The following ZNF251 variants were observed in gnomAD, a reference collection of about 807,000 sequenced individuals.
ZNF251 encodes the protein zinc finger protein 251.
ZNF251 carries 14 observed loss-of-function variants against 13.5 expected under a neutral mutation model. The ratio of observed to expected loss-of-function variants is 1.04; its 90% CI spans 0.69 to 1.63. ZNF251 has a LOEUF of 1.63. Among genes scored for constraint, ZNF251 ranks in the 40% most tolerant of loss-of-function variants. The probability of loss-of-function intolerance (pLI) is 0.00; values close to 1 mark genes in which losing one functional copy is unlikely to be tolerated. For missense variants in ZNF251, 764 were observed against 834.9 expected (o/e 0.92, Z 1.05); for synonymous variants, 287 against 295.2 (o/e 0.97, Z 0.28).
In ZNF251 at chr8:144,754,843, G is replaced by C. The variant is rs1824882826; in HGVS notation, c.-75-40C>G. 6 of 1,503,694 alleles carry C rather than the reference G, an allele frequency of 4.0e-6. No individual in the cohort carries two copies. In the South Asian group the frequency reaches 6.6e-5, roughly 17 times the overall value. 93.1% of individuals were successfully genotyped at this position (1,503,694 alleles called of 1,614,324 possible). Reference sequence around the variant, plus strand: ...ACTCAGGCTCAGCCCCATTCAACCAGGGGTGTGGAAGGATGGCCAGGAGGC... The same window carrying C: ...ACTCAGGCTCAGCCCCATTCAACCACGGGTGTGGAAGGATGGCCAGGAGGC... On this transcript the variant is annotated intron_variant, in intron 1 of 4. Coordinates refer to ENST00000292562, the MANE Select transcript of ZNF251 (RefSeq NM_138367.2).
chr8:144,735,082 A>T (rs983180110), intron 4 of ZNF251, among the ~76,000 whole-genome samples: 7 of 149,408 alleles, frequency 4.7e-5, no homozygotes, highest in South Asian at 4.3e-4. Context: ...CAAAAAAATA[A>T]AAAAAAAAGA....
chr8:144,737,555 G>A (rs1427293498), intron 4 of ZNF251, among the ~76,000 whole-genome samples: 8 of 151,554 alleles, frequency 5.3e-5, no homozygotes, highest in South Asian at 2.1e-4. Context: ...GAGGCTGGGC[G>A]CAGTGGCTCA....
At position 144,722,518 on chromosome 8, in the gene ZNF251, T is replaced by C. The variant is rs996070040; in HGVS notation, c.1142A>G (p.Gln381Arg). 6.2e-7 allele frequency: 1 copy of C among 1,614,074 alleles called. No individual in the cohort carries two copies. Among genetic ancestry groups the C allele is most frequent in the Non-Finnish European group, 8.5e-7 (1 of 1,179,946 alleles). The change falls in exon 5 of 5, where the codon CAG (glutamine) becomes CGG (arginine). Residue 381 changes from glutamine to arginine, a missense_variant. Gln to Arg is a conservative substitution (Grantham distance 43). Transcript: ENST00000292562. The surrounding 1 kb of genome is among the most constrained non-coding windows in gnomAD (Gnocchi z 4.8). ...HTGEKPHKCN[Q>R]CGKAFSQSSS... ...GCTCTGACTGAAGGCCTTCCCACAC[T>C]GATTGCATTTATGGGGCTTCTCTCC...
intron 4 of ZNF251, among the ~76,000 whole-genome samples, chr8:144,727,136 A>C (rs184474348): frequency 6.6e-6 from 1 of 152,346 alleles, no homozygotes; most frequent in Admixed American, 6.5e-5. Flanking sequence ...TTCAAAACCA[A>C]GCAAAACTCA....
chr8:144,722,128 T>G lies in ZNF251; in HGVS notation c.1532A>C (p.His511Pro). ...TCTGCACTTACGAGTCTCTCCGCTG[T>G]GAACTTTCTGATGCTGAATGAGGGT... ...RSTLIQHQKV[H>P]SGETRKCRKH... The change falls in exon 5 of 5, where the codon CAC becomes CCC. Residue 511 changes from histidine to proline, a missense_variant. By Grantham distance (77) the His-to-Pro change is moderately conservative. Coordinates refer to ENST00000292562, the MANE Select transcript of ZNF251 (RefSeq NM_138367.2). This position sits in a 1 kb window ranked among gnomAD's most constrained non-coding sequence, Gnocchi z 4.8. 1 of 1,614,094 alleles carries G rather than the reference T, an allele frequency of 6.2e-7. No homozygotes were observed. The highest frequency in any genetic ancestry group is 1.3e-5 in the African/African-American group (1 of 75,020).
At chr8:144,724,986 A>G (rs1055329875) in intron 4 of ZNF251, among the ~76,000 whole-genome samples, 1 of 151,546 alleles carries the variant, frequency 6.6e-6, no homozygotes, top group Admixed American at 6.6e-5. Flanking sequence ...ACAATTATGT[A>G]TCCACCACCA....
chr8:144,754,417 C>T lies in ZNF251; in HGVS notation c.34-96G>A, dbSNP rs994525047. The T allele has an allele frequency of 6.8e-6, 10 of 1,466,284 alleles. No homozygotes were observed. The African/African-American group carries it at 1.3e-4, about 19-fold the overall frequency. 90.8% of individuals were successfully genotyped at this position (1,466,284 alleles called of 1,614,324 possible). On this transcript the variant is annotated intron_variant, in intron 2 of 4. Coordinates refer to ENST00000292562, the MANE Select transcript of ZNF251 (RefSeq NM_138367.2). ...CTGGTGGGGCCCCACTACCCAGGGCCCTGCTGTGGTCAGTATGAACTGTGT... is the reference window on the plus strand; with the variant it reads ...CTGGTGGGGCCCCACTACCCAGGGCTCTGCTGTGGTCAGTATGAACTGTGT...
chr8:144,737,557 A>G (rs561326263), intron 4 of ZNF251, among the ~76,000 whole-genome samples: 107 of 151,864 alleles, frequency 7.0e-4, no homozygotes, highest in Non-Finnish European at 1.2e-3. Flanking sequence ...GGCTGGGCGC[A>G]GTGGCTCACA....
intron 3 of ZNF251, 96 bp downstream of exon 3, chr8:144,754,096 C>G (rs920200626): frequency 1.3e-6 from 2 of 1,491,580 alleles, no homozygotes; most frequent in Non-Finnish European, 1.8e-6. Flanking sequence ...GGACAAGGGG[C>G]AGGACCCTCT....
chr8:144,743,600 C>T (rs1824272355), intron 4 of ZNF251, among the ~76,000 whole-genome samples: 1 of 152,320 alleles, frequency 6.6e-6, no homozygotes. Context: ...ACTGCTGGAT[C>T]ACATGGTAAA....
rs368814551 is a variant in ZNF251 at position 144,734,800 on chromosome 8, G to A, written c.278-11418C>T. 1.3e-5 allele frequency among the ~76,000 whole-genome samples: 2 copies of A among 152,224 alleles called. No individual in the cohort carries two copies. Among genetic ancestry groups the A allele is most frequent in the East Asian group, 3.8e-4 (2 of 5,200 alleles). On this transcript the variant is annotated intron_variant, in intron 4 of 4. Coordinates refer to ENST00000292562, the MANE Select transcript of ZNF251 (RefSeq NM_138367.2). This position sits in a 1 kb window ranked among gnomAD's most constrained non-coding sequence, Gnocchi z 4.4. ...TCTTAAGGGATTTTGCAGGCCGGGC[G>A]TGGTAGCTCACGCCTGTAATCCCAG...
chr8:144,744,593 A>G (rs930756023), intron 4 of ZNF251, among the ~76,000 whole-genome samples: 4 of 152,178 alleles, frequency 2.6e-5, no homozygotes, highest in African/African-American at 7.2e-5. Context: ...GAGGGTCGTC[A>G]TGGCAGAATT....
intron 4 of ZNF251, among the ~76,000 whole-genome samples, chr8:144,745,188 C>CTTTTTTTT (rs746070716): frequency 1.7e-5 from 2 of 114,612 alleles, no homozygotes; most frequent in Non-Finnish European, 3.8e-5. Context: ...TGTCTAGATT[C>CTTTTTTTT]TTTTTTTTTT....
intron 4 of ZNF251, among the ~76,000 whole-genome samples, chr8:144,735,162 GATC>G (rs1216640428): frequency 6.6e-6 from 1 of 152,072 alleles, no homozygotes; most frequent in East Asian, 1.9e-4. Context: ...GAGGAGGGTA[GATC>G]ATCTGAAGTC....
chr8:144,728,980 T>C (rs1241695723), intron 4 of ZNF251, among the ~76,000 whole-genome samples: 4 of 145,238 alleles, frequency 2.8e-5, no homozygotes, highest in Non-Finnish European at 4.5e-5. Flanking sequence ...CCCAGCTACT[T>C]GGGAGGCTGA....
In ZNF251 at chr8:144,722,759, C is replaced by T. The variant is rs970863081; in HGVS notation, c.901G>A (p.Ala301Thr). 6.2e-7 allele frequency: 1 copy of T among 1,614,100 alleles called. No homozygotes were observed. Among genetic ancestry groups the T allele is most frequent in the Non-Finnish European group, 8.5e-7 (1 of 1,179,952 alleles). The change falls in exon 5 of 5, where the codon GCT (alanine) becomes ACT (threonine). Residue 301 changes from alanine to threonine, a missense_variant. Physicochemically the swap from Ala to Thr is moderately conservative, Grantham distance 58 (BLOSUM62 0). Coordinates refer to ENST00000292562, the MANE Select transcript of ZNF251 (RefSeq NM_138367.2). The surrounding 1 kb of genome is among the most constrained non-coding windows in gnomAD (Gnocchi z 4.8). ...KPFGCGECGK[A>T]FSRSSTLIQH... ...ATAAGAGTTGAGCTTCGACTGAAAG[C>T]CTTCCCACACTCACCACAGCCAAAG...
intron 4 of ZNF251, among the ~76,000 whole-genome samples, chr8:144,739,239 C>G (rs548770375): frequency 6.7e-6 from 1 of 149,150 alleles, no homozygotes; most frequent in Non-Finnish European, 1.5e-5. Flanking sequence ...ACCCCACCCC[C>G]CCAAAACTAG....
chr8:144,727,060 A>T (rs1015315137), intron 4 of ZNF251, among the ~76,000 whole-genome samples: 2 of 152,072 alleles, frequency 1.3e-5, no homozygotes, highest in African/African-American at 4.8e-5. Flanking sequence ...TCTGAAAAAA[A>T]ATTTTTTTTA....
At chr8:144,749,350 T>C (rs1350382737) in intron 4 of ZNF251, among the ~76,000 whole-genome samples, 1 of 152,082 alleles carries the variant, frequency 6.6e-6, no homozygotes, top group Admixed American at 6.6e-5. Context: ...CCAGGTGTGG[T>C]AGTACATGCC....
Sources: allele counts gnomAD v4.1 joint callset (sites outside exome capture counted in the v4.1 genomes callset), GRCh38; gene constraint gnomAD v4.1.1; non-coding constraint Gnocchi (gnomAD v3.1); transcripts MANE v1.5; gene names NCBI Gene and HGNC (gene_info 2026-07-23, HGNC 2026-07-21).